CCDC30: variants seen among roughly 807,000 people sequenced by gnomAD.
The protein encoded by CCDC30 is coiled-coil domain-containing protein 30.
A neutral mutation model predicts 100.2 loss-of-function variants in CCDC30; 70 were observed. The observed-to-expected ratio is 0.70, with a 90% CI of 0.58 to 0.85. The LOEUF (loss-of-function observed/expected upper bound fraction) is 0.85, where lower values mean the gene tolerates loss of function less well. Ranked by LOEUF, CCDC30 falls within the 40% of genes least tolerant of loss-of-function variation. CCDC30 has a pLI of 0.00. For missense variants in CCDC30, 652 were observed against 771.2 expected, an observed-to-expected ratio of 0.85 and a Z score of 1.83; for synonymous variants, 233 against 269.5, an observed-to-expected ratio of 0.86 and a Z score of 1.33.
At chr1:42,536,425 G>T in intron 6 of CCDC30, 51 bp from the exon 7 acceptor site, 1 of 1,148,902 alleles carries the variant, frequency 8.7e-7, no homozygotes. Context: ...AGAATTTGTA[G>T]GAAACACTGC....
chr1:42,656,524 G>A (rs1345993115), downstream of CCDC30, among the ~76,000 whole-genome samples: 2 of 152,124 alleles, frequency 1.3e-5, no homozygotes, highest in Admixed American at 6.5e-5. Context: ...CCTGCTATGC[G>A]GGAGGCTGAG....
intron 6 of CCDC30, among the ~76,000 whole-genome samples, chr1:42,534,497 G>A (rs1644860268): frequency 6.6e-6 from 1 of 152,174 alleles, no homozygotes; most frequent in African/African-American, 2.4e-5. Flanking sequence ...CCACTGGACA[G>A]GAGGAATTAT....
chr1:42,581,373 A>C (rs202069590), exon 9 of CCDC30: 1 of 1,600,856 alleles, frequency 6.2e-7, no homozygotes, highest in East Asian at 2.2e-5. Flanking sequence ...TTGGACCTGC[A>C]GCGGAAATTA....
intron 10 of CCDC30, among the ~76,000 whole-genome samples, chr1:42,609,712 T>C (rs1436421260): frequency 1.3e-5 from 2 of 152,140 alleles, no homozygotes; most frequent in African/African-American, 4.8e-5. Context: ...GGTATAGAGG[T>C]GGGCCTCGAG....
exon 8 of CCDC30, chr1:42,577,128 G>C: frequency 6.2e-7 from 1 of 1,614,056 alleles, no homozygotes; most frequent in Non-Finnish European, 8.5e-7. Flanking sequence ...CAAGGAACTG[G>C]AGTTGGAAGT....
chr1:42,508,630 C>T lies in CCDC30; in HGVS notation c.456+9714C>T, dbSNP rs111585418. On this transcript the variant is annotated intron_variant, in intron 6 of 16. Transcript: ENST00000668663. ...GAGAGAGATGTAGCTGCTTTTAATT[C>T]CTGGGGTTTCATGAGGGAAACAGAG... Among the ~76,000 whole-genome samples the T allele has an allele frequency of 6.0e-3, 907 of 152,218 alleles. 6 individuals are homozygous for T. Among genetic ancestry groups the T allele is most frequent in the African/African-American group, 0.02 (846 of 41,528 alleles).
At chr1:42,506,955 T>A (rs886245884) in intron 6 of CCDC30, among the ~76,000 whole-genome samples, 1 of 152,182 alleles carries the variant, frequency 6.6e-6, no homozygotes, top group Non-Finnish European at 1.5e-5. Context: ...AGATGGAATT[T>A]TGCTCTTGTT....
intron 11 of CCDC30, among the ~76,000 whole-genome samples, chr1:42,621,466 C>T (rs1646829498): frequency 6.6e-6 from 1 of 151,636 alleles, no homozygotes; most frequent in Non-Finnish European, 1.5e-5. Flanking sequence ...CAGGCATGTG[C>T]CACCACACCT....
At chr1:42,491,950 T>TTGC in intron 4 of CCDC30, 1 of 886,114 alleles carries the variant, frequency 1.1e-6, no homozygotes, top group Non-Finnish European at 1.7e-6. Flanking sequence ...GAAGTGAGTC[T>TTGC]TGCTGATCTG....
chr1:42,517,329 C>G (rs944995964), intron 6 of CCDC30, among the ~76,000 whole-genome samples: 8 of 152,330 alleles, frequency 5.3e-5, no homozygotes, highest in Non-Finnish European at 8.8e-5. Flanking sequence ...GCAATCCTCC[C>G]ACCTTGGCCT....
intron 6 of CCDC30, among the ~76,000 whole-genome samples, chr1:42,555,305 C>T (rs1645346542): frequency 6.6e-6 from 1 of 152,196 alleles, no homozygotes; most frequent in African/African-American, 2.4e-5. Flanking sequence ...CAACACCCAC[C>T]TTCCCCAACG....
intron 6 of CCDC30, among the ~76,000 whole-genome samples, chr1:42,532,764 T>G (rs1302584493): frequency 6.6e-6 from 1 of 152,092 alleles, no homozygotes; most frequent in African/African-American, 2.4e-5. Context: ...AAGTTTTTAT[T>G]TATTTATTTA....
intron 11 of CCDC30, among the ~76,000 whole-genome samples, chr1:42,628,711 A>G (rs901030381): frequency 3.3e-5 from 5 of 152,114 alleles, no homozygotes; most frequent in Admixed American, 2.0e-4. Context: ...GCCGTGTAAG[A>G]AGTGCTTTTC....
chr1:42,655,370 C>T (rs1011050636), downstream of CCDC30, among the ~76,000 whole-genome samples: 3 of 151,866 alleles, frequency 2.0e-5, no homozygotes, highest in African/African-American at 7.3e-5. Flanking sequence ...AGGGAAACCC[C>T]GTCTCTAACA....
Position 42,493,826 on chromosome 1 carries a change from C to T in CCDC30, c.242-3272C>T, listed in dbSNP as rs531646506. ...GCCAGTAAATTGATGACCTGGATGA[C>T]GTGGACACATTCCTTAAAAGACACA... On this transcript the variant is annotated intron_variant, in intron 4 of 16. Coordinates refer to ENST00000668663, the Ensembl canonical transcript of CCDC30. Among the ~76,000 whole-genome samples, 7 of 152,146 alleles carry T rather than the reference C, an allele frequency of 4.6e-5. No homozygotes were observed. In the South Asian group the frequency reaches 8.3e-4, roughly 18 times the overall value.
the CCDC30 span, chr1:42,456,274 TA>T: frequency 3.8e-5 from 23 of 598,108 alleles, no homozygotes; most frequent in African/African-American, 4.1e-4. Context: ...CAGTGGCCGG[TA>T]AGGGTCAAAC....
intron 4 of CCDC30, among the ~76,000 whole-genome samples, chr1:42,492,938 C>T (rs1180060709): frequency 6.6e-6 from 1 of 151,966 alleles, no homozygotes; most frequent in African/African-American, 2.4e-5. Flanking sequence ...AGCCACCGCA[C>T]CCGGCCTAAA....
At chr1:42,646,169 A>T (rs1310911952) in exon 15 of CCDC30, 3 of 1,604,544 alleles carry the variant, frequency 1.9e-6, no homozygotes, top group Non-Finnish European at 2.6e-6. Flanking sequence ...AAATGGTGGC[A>T]TAGAGGCAAG....
chr1:42,604,348 A>T (rs1646463559), intron 10 of CCDC30, among the ~76,000 whole-genome samples: 1 of 152,236 alleles, frequency 6.6e-6, no homozygotes, highest in Non-Finnish European at 1.5e-5. Context: ...TCCAGAATCT[A>T]AAGAGGCAAC....
Sources: gnomAD v4.1 joint callset for allele counts (sites outside exome capture counted in the v4.1 genomes callset) on GRCh38, gnomAD v4.1.1 for gene constraint, MANE v1.5 for transcripts, NCBI Gene and HGNC (gene_info 2026-07-23, HGNC 2026-07-21) for gene names.